Variants in SLC38A9 observed in about 807,000 individuals in gnomAD.
SLC38A9 encodes neutral amino acid transporter 9.
A neutral mutation model predicts 62.3 loss-of-function variants in SLC38A9; 48 were observed. The observed-to-expected ratio is 0.77, with a 90% confidence interval of 0.61 to 0.98. The LOEUF is 0.98. Among genes scored for constraint, SLC38A9 ranks in the 50% least tolerant of loss-of-function variants. The probability of loss-of-function intolerance (pLI) is 0.00; values close to 1 mark genes in which losing one functional copy is unlikely to be tolerated. For synonymous variants in SLC38A9, 204 were observed against 227.7 expected (o/e 0.90, Z 0.94); for missense variants, 541 against 679.8 (o/e 0.80, Z 2.27).
intron 3 of SLC38A9, among the ~76,000 whole-genome samples, chr5:55,684,859 G>T (rs1156653766): frequency 6.6e-6 from 1 of 152,040 alleles, no homozygotes; most frequent in Non-Finnish European, 1.5e-5. Context: ...TCACCATGTT[G>T]GCCAGGCTAG....
chr5:55,655,620 T>C (rs545348506), intron 9 of SLC38A9, among the ~76,000 whole-genome samples: 5 of 152,272 alleles, frequency 3.3e-5, no homozygotes, highest in Admixed American at 1.3e-4. Context: ...AGACACTGAG[T>C]AGCAAACACT....
chr5:55,701,357 C>A (rs1341575482), intron 2 of SLC38A9, among the ~76,000 whole-genome samples: 1 of 152,220 alleles, frequency 6.6e-6, no homozygotes, highest in African/African-American at 2.4e-5. Flanking sequence ...CCCAAAACTA[C>A]CCCACCTAGT....
In SLC38A9 at chr5:55,690,513, T is replaced by C. The variant is rs562535546; in HGVS notation, c.113+7333A>G. ...GCCATCCGCACTAGCCACTGATTAA[T>C]GACCAAGGTCCTAGTCCATCTGTTT... On this transcript the variant is annotated intron_variant, in intron 3 of 15. Coordinates refer to ENST00000396865, the MANE Select transcript of SLC38A9 (RefSeq NM_173514.4). 1.3e-3 allele frequency among the ~76,000 whole-genome samples: 197 copies of C among 152,350 alleles called. No homozygotes were observed. The Middle Eastern group carries it at 0.014, about 11-fold the overall frequency.
chr5:55,661,458 A>T (rs948859515), intron 8 of SLC38A9, among the ~76,000 whole-genome samples: 4 of 151,236 alleles, frequency 2.6e-5, no homozygotes, highest in African/African-American at 9.7e-5. Flanking sequence ...AAAAAAAAAA[A>T]AAAAAAAAAA....
intron 14 of SLC38A9, among the ~76,000 whole-genome samples, chr5:55,632,830 A>G (rs773099563): frequency 1.3e-5 from 2 of 152,196 alleles, no homozygotes; most frequent in Non-Finnish European, 1.5e-5. Flanking sequence ...AGAGAGGCTA[A>G]GAATCTAGAC....
rs184277361 is a variant in SLC38A9 at position 55,664,158 on chromosome 5, T to C, written c.697+535A>G. Among the ~76,000 whole-genome samples, 538 of 151,810 alleles carry C rather than the reference T, an allele frequency of 3.5e-3. 1 individual carries two copies. The highest frequency in any genetic ancestry group is 0.012 in the African/African-American group (504 of 41,420). ...AAAAAAAGAAAAAAAAATTCATTAA[T>C]TAAAAAAATGAACTTCCTCTATCTA... On this transcript the variant is annotated intron_variant, in intron 8 of 15. Transcript: ENST00000396865.
Position 55,669,880 on chromosome 5 carries a change from C to G in SLC38A9, c.247-1G>C. On this transcript the variant is annotated splice_acceptor_variant, in intron 4 of 15. Coordinates refer to ENST00000396865, the MANE Select transcript of SLC38A9 (RefSeq NM_173514.4). LOFTEE classifies it high-confidence loss of function. The stretch of plus-strand genomic sequence containing the variant: ...CTGGAACTACATGGTCTGGGGCAAT[C>G]TGGTAAAAAGGAAACATAGATAAAT... 6.3e-7 allele frequency: 1 copy of G among 1,585,008 alleles called. No homozygotes were observed. The highest frequency in any genetic ancestry group is 1.2e-5 in the South Asian group (1 of 86,034).
chr5:55,667,910 C>T (rs973320573), intron 7 of SLC38A9, among the ~76,000 whole-genome samples: 2 of 152,094 alleles, frequency 1.3e-5, no homozygotes, highest in Non-Finnish European at 2.9e-5. Context: ...AGTTATAGAG[C>T]CAATAATCCC....
intron 3 of SLC38A9, among the ~76,000 whole-genome samples, chr5:55,687,065 G>GTTTTTTTTTTTT (rs56912932): frequency 2.4e-5 from 3 of 125,706 alleles, no homozygotes; most frequent in Admixed American, 7.9e-5. Context: ...CTCCAGCTTT[G>GTTTTTTTTTTTT]TTTTTTTTTT....
intron 15 of SLC38A9, 55 bp downstream of exon 15, chr5:55,627,836 G>A (rs1393605577): frequency 9.4e-7 from 1 of 1,063,532 alleles, no homozygotes; most frequent in Non-Finnish European, 1.4e-6. Flanking sequence ...AACAGGAAAA[G>A]CCTGAAAATA....
intron 3 of SLC38A9, among the ~76,000 whole-genome samples, chr5:55,692,150 G>T (rs555392737): frequency 6.6e-6 from 1 of 152,164 alleles, no homozygotes. Flanking sequence ...ATTTAAACTA[G>T]TTGGTATTTA....
intron 11 of SLC38A9, 150 bp from the exon 12 acceptor site, chr5:55,646,045 CATTA>C: frequency 1.6e-6 from 1 of 606,070 alleles, no homozygotes; most frequent in Non-Finnish European, 2.9e-6. Context: ...TCGAGGCCAG[CATTA>C]TACTTGGGCG....
chr5:55,672,066 G>C (rs1475234653), intron 4 of SLC38A9, among the ~76,000 whole-genome samples: 2 of 151,912 alleles, frequency 1.3e-5, no homozygotes, highest in East Asian at 3.9e-4. Context: ...TCTCCAGGCT[G>C]GTCTTGAACC....
chr5:55,662,713 G>A (rs576541977), intron 8 of SLC38A9, among the ~76,000 whole-genome samples: 4 of 143,722 alleles, frequency 2.8e-5, no homozygotes, highest in South Asian at 4.5e-4. Flanking sequence ...AAAACAAATA[G>A]TGTATGTTGC....
chr5:55,697,739 G>T, intron 3 of SLC38A9, 107 bp downstream of exon 3: 1 of 511,220 alleles, frequency 2.0e-6, no homozygotes, highest in Non-Finnish European at 3.3e-6. Flanking sequence ...AATCCTGTAA[G>T]AAAGTGGATA....
At chr5:55,691,461 G>A (rs553410855) in intron 3 of SLC38A9, among the ~76,000 whole-genome samples, 2 of 152,200 alleles carry the variant, frequency 1.3e-5, no homozygotes, top group South Asian at 2.1e-4. Flanking sequence ...TGGAAGAAGA[G>A]GAAACAGAGA....
chr5:55,657,636 T>C (rs1463637054), intron 8 of SLC38A9, among the ~76,000 whole-genome samples: 12 of 152,202 alleles, frequency 7.9e-5, no homozygotes, highest in Admixed American at 7.9e-4. Context: ...TTCATCATTC[T>C]ACAGTGAAAG....
At chr5:55,669,700 C>A in intron 5 of SLC38A9, 58 bp downstream of exon 5, 4 of 1,585,632 alleles carry the variant, frequency 2.5e-6, no homozygotes, top group South Asian at 2.3e-5. Context: ...ATTTAAAAAA[C>A]CAGTAATTTT....
At chr5:55,659,254 AC>A (rs1331195266) in intron 8 of SLC38A9, among the ~76,000 whole-genome samples, 2 of 150,380 alleles carry the variant, frequency 1.3e-5, no homozygotes, top group Admixed American at 1.3e-4. Flanking sequence ...TAAAAAAAAA[AC>A]CATCAATATA....
Sources: gnomAD v4.1 joint callset for allele counts (sites outside exome capture counted in the v4.1 genomes callset) on GRCh38, gnomAD v4.1.1 for gene constraint, MANE v1.5 for transcripts, NCBI Gene and HGNC (gene_info 2026-07-23, HGNC 2026-07-21) for gene names.